PHF20: variants seen among roughly 807,000 people sequenced by gnomAD.
The protein encoded by PHF20 is PHD finger protein 20.
A neutral mutation model predicts 113.5 loss-of-function variants in PHF20; 23 were observed. The observed-to-expected ratio is 0.20, with a 90% CI of 0.15 to 0.29. The LOEUF is 0.29. PHF20 is among the 10% of genes least tolerant of loss of function. The pLI, the probability that PHF20 is intolerant of heterozygous loss-of-function variation, is 1.00. For synonymous variants in PHF20, 434 were observed against 457.3 expected, an observed-to-expected ratio of 0.95 and a Z score of 0.65; for missense variants, 943 against 1,219.6, an observed-to-expected ratio of 0.77 and a Z score of 3.38.
At chr20:35,911,079 C>G (rs1203967996) in intron 10 of PHF20, among the ~76,000 whole-genome samples, 1 of 150,708 alleles carries the variant, frequency 6.6e-6, no homozygotes, top group East Asian at 2.0e-4. Context: ...CTTGCACTGT[C>G]GCCCAGGCTG....
chr20:35,810,622 G>A (rs1359706013), intron 2 of PHF20, among the ~76,000 whole-genome samples: 1 of 152,146 alleles, frequency 6.6e-6, no homozygotes, highest in African/African-American at 2.4e-5. Context: ...AGGTCACACA[G>A]TGGTAGGACT....
At chr20:35,869,643 C>G (rs2054382894) in intron 7 of PHF20, 92 bp downstream of exon 7, 1 of 749,916 alleles carries the variant, frequency 1.3e-6, no homozygotes, top group Non-Finnish European at 2.4e-6. Flanking sequence ...TCCCTATAGG[C>G]TCTAATGTTT....
intron 3 of PHF20, among the ~76,000 whole-genome samples, chr20:35,844,889 T>C (rs1426883738): frequency 6.6e-6 from 1 of 152,190 alleles, no homozygotes; most frequent in Non-Finnish European, 1.5e-5. Flanking sequence ...ATTTGTGATA[T>C]AAAAATCACC....
chr20:35,919,076 C>T (rs1221507384), intron 13 of PHF20, among the ~76,000 whole-genome samples: 2 of 151,876 alleles, frequency 1.3e-5, no homozygotes, highest in South Asian at 2.1e-4. Context: ...AGTGCAATGG[C>T]GCGATTTCGG....
intron 2 of PHF20, among the ~76,000 whole-genome samples, chr20:35,823,899 G>A (rs1220434169): frequency 6.6e-6 from 1 of 152,160 alleles, no homozygotes; most frequent in African/African-American, 2.4e-5. Flanking sequence ...TTTTGCATGA[G>A]CAAAATAAAG....
chr20:35,837,525 A>G (rs2042464067), intron 2 of PHF20, among the ~76,000 whole-genome samples: 1 of 152,116 alleles, frequency 6.6e-6, no homozygotes, highest in South Asian at 2.1e-4. Flanking sequence ...TCTTTTGTTA[A>G]CTCTGTCTCA....
chr20:35,858,421 C>G (rs1467281603), intron 5 of PHF20, 40 bp downstream of exon 5: 1 of 1,070,380 alleles, frequency 9.3e-7, no homozygotes, highest in Non-Finnish European at 1.4e-6. Flanking sequence ...ATGAATAATG[C>G]TAACATTGTA....
chr20:35,829,385 A>T (rs554325483), intron 2 of PHF20, among the ~76,000 whole-genome samples: 1 of 151,088 alleles, frequency 6.6e-6, no homozygotes, highest in South Asian at 2.1e-4. Flanking sequence ...ATAGATTCTC[A>T]CTCTGTTGCC....
intron 2 of PHF20, among the ~76,000 whole-genome samples, chr20:35,817,294 C>T (rs1213075426): frequency 6.6e-6 from 1 of 152,054 alleles, no homozygotes; most frequent in Admixed American, 6.6e-5. Flanking sequence ...TCAAGAGATT[C>T]TCTTGCCTCA....
intron 9 of PHF20, among the ~76,000 whole-genome samples, chr20:35,880,602 C>T (rs2054610739): frequency 1.3e-5 from 2 of 151,970 alleles, no homozygotes; most frequent in Admixed American, 1.3e-4. Context: ...AAAGAATATA[C>T]CTTTAACCAA....
At chr20:35,799,149 C>T (rs2146860146) in intron 1 of PHF20, among the ~76,000 whole-genome samples, 1 of 152,162 alleles carries the variant, frequency 6.6e-6, no homozygotes, top group East Asian at 1.9e-4. Flanking sequence ...GCAGTGTAGG[C>T]TGTCAAGAGC....
At chr20:35,850,595 T>TG (rs1257029516) in intron 4 of PHF20, 1 of 82,674 alleles carries the variant, frequency 1.2e-5, no homozygotes, top group African/African-American at 7.1e-5. Flanking sequence ...GTTTTTTTTT[T>TG]TTTTTTTTTT....
At chr20:35,860,165 C>T (rs1024795339) in intron 5 of PHF20, among the ~76,000 whole-genome samples, 2 of 152,054 alleles carry the variant, frequency 1.3e-5, no homozygotes, top group South Asian at 4.2e-4. Context: ...GATCCGCCCA[C>T]CTTGGACTCC....
intron 13 of PHF20, among the ~76,000 whole-genome samples, chr20:35,921,803 A>G (rs1184566565): frequency 6.6e-6 from 1 of 151,312 alleles, no homozygotes; most frequent in East Asian, 1.9e-4. Context: ...TTTAGTTTCT[A>G]CTCTGTCATC....
At chr20:35,775,563 G>T (rs1324618647) in intron 1 of PHF20, among the ~76,000 whole-genome samples, 1 of 151,986 alleles carries the variant, frequency 6.6e-6, no homozygotes, top group Non-Finnish European at 1.5e-5. Flanking sequence ...AGACCAGTCT[G>T]GCTAACACAG....
In PHF20 at chr20:35,907,346, C is replaced by T. The variant is rs934185922; in HGVS notation, c.1562-5903C>T. On this transcript the variant is annotated intron_variant, in intron 10 of 17. Transcript: ENST00000374012. Reference sequence around the variant, plus strand: ...GTGGCCATCCTGGAGGAAAGCCTCACCCTGCTTAGGTGACAAGCTGCTCTC... The same window carrying T: ...GTGGCCATCCTGGAGGAAAGCCTCATCCTGCTTAGGTGACAAGCTGCTCTC... Among the ~76,000 whole-genome samples the T allele has an allele frequency of 4.8e-4, 73 of 152,190 alleles. 1 individual carries two copies. The highest frequency in any genetic ancestry group is 1.6e-3 in the African/African-American group (68 of 41,444).
At chr20:35,892,442 C>T (rs978028315) in intron 9 of PHF20, among the ~76,000 whole-genome samples, 1 of 152,004 alleles carries the variant, frequency 6.6e-6, no homozygotes, top group African/African-American at 2.4e-5. Context: ...CTCCTGACCT[C>T]AGGTGCTCCA....
intron 4 of PHF20, among the ~76,000 whole-genome samples, chr20:35,848,822 A>G (rs2042667979): frequency 6.7e-6 from 1 of 148,704 alleles, no homozygotes; most frequent in Non-Finnish European, 1.5e-5. Context: ...GTGTCATTGT[A>G]CTCCAGCCTG....
At chr20:35,901,649 G>T (rs372167557) in intron 10 of PHF20, among the ~76,000 whole-genome samples, 3 of 152,058 alleles carry the variant, frequency 2.0e-5, no homozygotes, top group Non-Finnish European at 4.4e-5. Flanking sequence ...CTCTTGCCCT[G>T]GTTGTTGTGG....
Sources: gnomAD v4.1 joint callset for allele counts (sites outside exome capture counted in the v4.1 genomes callset) on GRCh38, gnomAD v4.1.1 for gene constraint, MANE v1.5 for transcripts, NCBI Gene and HGNC (gene_info 2026-07-23, HGNC 2026-07-21) for gene names.